The following LTBP1 variants were observed in gnomAD, a reference collection of about 807,000 sequenced individuals.
The protein encoded by LTBP1 is latent transforming growth factor beta binding protein 1.
In LTBP1, 129 loss-of-function variants were observed where a neutral mutation model predicts 207.6. The ratio of observed to expected loss-of-function variants is 0.62; its 90% CI spans 0.54 to 0.72. The LOEUF (loss-of-function observed/expected upper bound fraction) is 0.72, where lower values mean the gene tolerates loss of function less well. Among genes scored for constraint, LTBP1 ranks in the 30% least tolerant of loss-of-function variants. LTBP1 has a pLI of 0.00. For missense variants in LTBP1, 2,281 were observed against 2,217.2 expected, an observed-to-expected ratio of 1.03 and a Z score of -0.58; for synonymous variants, 963 against 833.7, an observed-to-expected ratio of 1.16 and a Z score of -2.67.
chr2:33,227,634 C>T (rs923286549), intron 9 of LTBP1, among the ~76,000 whole-genome samples: 13 of 151,992 alleles, frequency 8.6e-5, no homozygotes, highest in African/African-American at 3.1e-4. Flanking sequence ...TATTTATTCA[C>T]ATTATATGTT....
intron 7 of LTBP1, among the ~76,000 whole-genome samples, chr2:33,207,632 C>G (rs986590879): frequency 2.0e-5 from 3 of 152,200 alleles, no homozygotes; most frequent in African/African-American, 7.2e-5. Context: ...GAGACAATGC[C>G]TGTTACCCAG....
intron 31 of LTBP1, among the ~76,000 whole-genome samples, chr2:33,380,939 A>C (rs1471242493): frequency 6.6e-6 from 1 of 152,214 alleles, no homozygotes; most frequent in African/African-American, 2.4e-5. Flanking sequence ...AAAAAATTTC[A>C]GCTTGTCAGA....
At chr2:33,018,928 C>G (rs1329683835) in intron 2 of LTBP1, among the ~76,000 whole-genome samples, 2 of 151,716 alleles carry the variant, frequency 1.3e-5, no homozygotes, top group Non-Finnish European at 2.9e-5. Flanking sequence ...GCTTGGTATT[C>G]TGACACCCAA....
intron 10 of LTBP1, among the ~76,000 whole-genome samples, chr2:33,248,990 A>T (rs2092595621): frequency 1.3e-5 from 2 of 152,110 alleles, no homozygotes; most frequent in Non-Finnish European, 2.9e-5. Context: ...CCTGCTTCCT[A>T]GACCTGTATC....
At chr2:32,984,678 T>A (rs1161881388) in intron 2 of LTBP1, among the ~76,000 whole-genome samples, 1 of 152,116 alleles carries the variant, frequency 6.6e-6, no homozygotes, top group Non-Finnish European at 1.5e-5. Context: ...TCCCAGCACT[T>A]TGGAGGCCGA....
In LTBP1 at chr2:32,987,716, T is replaced by A. The variant is rs1247772583; in HGVS notation, c.566-33193T>A. On this transcript the variant is annotated intron_variant, in intron 2 of 33. Coordinates refer to ENST00000404816, the MANE Select transcript of LTBP1 (RefSeq NM_206943.4). ...ACTGTTGTTATTGTTAATATTGGTT[T>A]CAGGGCTTTCAGGAAACAAAGGTCA... 5.9e-5 allele frequency among the ~76,000 whole-genome samples: 9 copies of A among 152,296 alleles called. No homozygotes were observed. The South Asian group carries it at 1.5e-3, about 25-fold the overall frequency.
intron 2 of LTBP1, among the ~76,000 whole-genome samples, chr2:32,963,770 C>G (rs750400533): frequency 1.5e-4 from 23 of 152,122 alleles, no homozygotes; most frequent in Admixed American, 2.0e-4. Context: ...GTGGGACTTT[C>G]CCACACACCT....
chr2:33,393,495 A>T (rs572873205), intron 32 of LTBP1, among the ~76,000 whole-genome samples: 1 of 138,840 alleles, frequency 7.2e-6, no homozygotes, highest in Non-Finnish European at 1.5e-5. Flanking sequence ...CCTGTGTCCA[A>T]GTGTTCTCAT....
Position 33,309,630 on chromosome 2 carries a change from C to T in LTBP1, c.3604+74C>T, listed in dbSNP as rs2094151427. 2.6e-6 allele frequency: 4 copies of T among 1,524,986 alleles called. No homozygotes were observed. The South Asian group carries it at 3.6e-5, about 14-fold the overall frequency. 94.5% of individuals were successfully genotyped at this position (1,524,986 alleles called of 1,614,324 possible). On this transcript the variant is annotated intron_variant, in intron 23 of 33. Coordinates refer to ENST00000404816, the MANE Select transcript of LTBP1 (RefSeq NM_206943.4). ...TTCTGCCATGTTGCCAGATGATAGT[C>T]TGTGGTTTTGCCATGTGATTTATAT...
chr2:33,286,281 A>G (rs913033458), intron 19 of LTBP1, among the ~76,000 whole-genome samples: 3 of 152,238 alleles, frequency 2.0e-5, no homozygotes, highest in African/African-American at 2.4e-5. Context: ...CATTCAGTCT[A>G]CTTGACAACT....
At chr2:33,211,109 A>T (rs369706088) in intron 7 of LTBP1, among the ~76,000 whole-genome samples, 2 of 152,120 alleles carry the variant, frequency 1.3e-5, no homozygotes, top group African/African-American at 4.8e-5. Context: ...TGTAATGAAG[A>T]CAATTAATAA....
At chr2:33,160,148 G>A (rs117692912) in intron 5 of LTBP1, among the ~76,000 whole-genome samples, 2,283 of 152,270 alleles carry the variant, frequency 0.015, 23 homozygotes, top group East Asian at 0.026. Flanking sequence ...CAAAGTGCTA[G>A]GATAACAGGT....
chr2:33,183,291 T>G (rs1402720016), intron 5 of LTBP1, among the ~76,000 whole-genome samples: 1 of 152,226 alleles, frequency 6.6e-6, no homozygotes, highest in Non-Finnish European at 1.5e-5. Context: ...CTTTCGATTA[T>G]CCACTTTTGT....
chr2:33,037,946 C>T (rs971128154), intron 3 of LTBP1, among the ~76,000 whole-genome samples: 10 of 152,062 alleles, frequency 6.6e-5, no homozygotes, highest in Admixed American at 2.6e-4. Context: ...CTTCAACTCC[C>T]GAACTCAAGC....
chr2:33,093,050 C>A (rs2079191356), intron 3 of LTBP1, among the ~76,000 whole-genome samples: 1 of 152,074 alleles, frequency 6.6e-6, no homozygotes, highest in Admixed American at 6.6e-5. Flanking sequence ...AGTAAGAGAC[C>A]ACCCCACAGA....
intron 2 of LTBP1, among the ~76,000 whole-genome samples, chr2:32,995,183 C>CAA (rs374253181): frequency 9.2e-5 from 13 of 140,666 alleles, no homozygotes; most frequent in Non-Finnish European, 1.5e-4. Flanking sequence ...ACCCTGTCTC[C>CAA]AAAAAAAAAA....
intron 7 of LTBP1, among the ~76,000 whole-genome samples, chr2:33,202,713 T>C (rs964702): frequency 0.55 from 83,343 of 152,120 alleles, 22,999 homozygotes; most frequent in Middle Eastern, 0.6. Context: ...GCTGGGTCAG[T>C]AGAGGGCAGA....
chr2:33,274,273 TATCTC>T (rs201658719), intron 16 of LTBP1, among the ~76,000 whole-genome samples: 2,515 of 151,590 alleles, frequency 0.017, 72 homozygotes, highest in African/African-American at 0.056. Context: ...AAAAAAAAAG[TATCTC>T]AGAAAGATAT....
At chr2:33,058,511 T>TC (rs1042928118) in intron 3 of LTBP1, among the ~76,000 whole-genome samples, 18 of 152,266 alleles carry the variant, frequency 1.2e-4, no homozygotes, top group African/African-American at 4.3e-4. Context: ...TCCCTTTTTC[T>TC]CCCCCCTTCT....
Sources: allele counts gnomAD v4.1 joint callset (sites outside exome capture counted in the v4.1 genomes callset), GRCh38; gene constraint gnomAD v4.1.1; transcripts MANE v1.5; gene names NCBI Gene and HGNC (gene_info 2026-07-23, HGNC 2026-07-21).